CHN2: variants seen among roughly 807,000 people sequenced by gnomAD.
CHN2 encodes the protein beta-chimaerin.
Under a neutral mutation model 56.3 loss-of-function variants are expected in CHN2, and 35 were observed. The ratio of observed to expected loss-of-function variants is 0.62; its 90% CI spans 0.47 to 0.82. The LOEUF is 0.82. CHN2 is among the 40% of genes least tolerant of loss of function. CHN2 has a pLI of 0.00. For synonymous variants in CHN2, 210 were observed against 212.8 expected (o/e 0.99, Z 0.12); for missense variants, 491 against 580.5 (o/e 0.85, Z 1.58).
At chr7:29,294,101 C>T (rs894269225) in intron 1 of CHN2, among the ~76,000 whole-genome samples, 6 of 151,996 alleles carry the variant, frequency 3.9e-5, no homozygotes, top group African/African-American at 1.2e-4. Context: ...CTCCTGACCT[C>T]GTGATCTGCC....
intron 6 of CHN2, among the ~76,000 whole-genome samples, chr7:29,414,184 A>G (rs1803514806): frequency 6.6e-6 from 1 of 152,134 alleles, no homozygotes; most frequent in South Asian, 2.1e-4. Flanking sequence ...AGTTCAGATG[A>G]GAGGAAACTG....
chr7:29,408,359 G>C (rs1455279276), intron 6 of CHN2, among the ~76,000 whole-genome samples: 1 of 152,060 alleles, frequency 6.6e-6, no homozygotes, highest in African/African-American at 2.4e-5. Flanking sequence ...AGATGGAAGG[G>C]GAGACGAGAG....
At chr7:29,358,556 G>A (rs1798495149) in intron 2 of CHN2, among the ~76,000 whole-genome samples, 1 of 151,934 alleles carries the variant, frequency 6.6e-6, no homozygotes, top group South Asian at 2.1e-4. Context: ...CCCGCCTCCC[G>A]AGTTCACGCC....
chr7:29,268,354 A>T (rs1790327253), intron 1 of CHN2, among the ~76,000 whole-genome samples: 1 of 150,330 alleles, frequency 6.7e-6, no homozygotes, highest in Non-Finnish European at 1.5e-5. Context: ...TTTGAAAAAT[A>T]ATCTTGTTGA....
chr7:29,414,466 C>T (rs535089521), intron 6 of CHN2, among the ~76,000 whole-genome samples: 4 of 152,234 alleles, frequency 2.6e-5, no homozygotes, highest in South Asian at 2.1e-4. Context: ...GTCCTCACAA[C>T]GGCTCTGAGA....
intron 6 of CHN2, among the ~76,000 whole-genome samples, chr7:29,409,766 C>G (rs372909757): frequency 3.1e-4 from 47 of 152,340 alleles, no homozygotes; most frequent in African/African-American, 1.1e-3. Context: ...ATCATGGACT[C>G]TCTAAAGGGA....
Position 29,370,690 on chromosome 7 carries a change from C to G in CHN2, c.144+2703C>G, listed in dbSNP as rs546468503. Among the ~76,000 whole-genome samples, 33 of 152,234 alleles carry G rather than the reference C, an allele frequency of 2.2e-4. 1 individual carries two copies. Among genetic ancestry groups the G allele is most frequent in the Non-Finnish European group, 3.7e-4 (25 of 68,022 alleles). On this transcript the variant is annotated intron_variant, in intron 3 of 12. Transcript: ENST00000222792. The stretch of plus-strand genomic sequence containing the variant: ...CTGCCAGTTCAACGTGATAAATACC[C>G]ACATTAGAGCACCAAGCAAAGTGTG...
chr7:29,241,967 C>G (rs539228640), intron 1 of CHN2, among the ~76,000 whole-genome samples: 1 of 152,270 alleles, frequency 6.6e-6, no homozygotes, highest in South Asian at 2.1e-4. Flanking sequence ...AGATCTCATG[C>G]TATGCATATA....
At chr7:29,233,619 AG>A (rs1056631555) in intron 1 of CHN2, among the ~76,000 whole-genome samples, 2 of 152,062 alleles carry the variant, frequency 1.3e-5, no homozygotes, top group South Asian at 2.1e-4. Flanking sequence ...TGTATTCACA[AG>A]GGTCCTTTAA....
chr7:29,356,989 T>C (rs1052887367), intron 2 of CHN2, among the ~76,000 whole-genome samples: 1 of 152,194 alleles, frequency 6.6e-6, no homozygotes, highest in Admixed American at 6.5e-5. Context: ...ACCGAAAGCT[T>C]TGCTGAAGCG....
At chr7:29,457,659 C>G in intron 6 of CHN2, among the ~76,000 whole-genome samples, 1 of 152,172 alleles carries the variant, frequency 6.6e-6, no homozygotes, top group East Asian at 1.9e-4. Flanking sequence ...AACTCTCTCC[C>G]TTTATTTAGC....
At chr7:29,317,786 C>G (rs577828985) in intron 1 of CHN2, among the ~76,000 whole-genome samples, 1 of 152,030 alleles carries the variant, frequency 6.6e-6, no homozygotes, top group Non-Finnish European at 1.5e-5. Context: ...CTCAGGAATT[C>G]GAGGCCAGTC....
intron 6 of CHN2, among the ~76,000 whole-genome samples, chr7:29,447,319 A>C (rs545642692): frequency 1.3e-5 from 2 of 152,240 alleles, no homozygotes; most frequent in Non-Finnish European, 2.9e-5. Context: ...TAAGATGTAA[A>C]GTACACTGCA....
chr7:29,251,279 C>T (rs1377231839), intron 1 of CHN2, among the ~76,000 whole-genome samples: 2 of 151,810 alleles, frequency 1.3e-5, no homozygotes, highest in African/African-American at 4.8e-5. Flanking sequence ...ACTGCAAAAT[C>T]CTGTCTCTAC....
chr7:29,244,370 C>G (rs1188921885), intron 1 of CHN2, among the ~76,000 whole-genome samples: 1 of 152,184 alleles, frequency 6.6e-6, no homozygotes, highest in African/African-American at 2.4e-5. Flanking sequence ...CCAAGTTACT[C>G]TTGTAAGTGA....
intron 3 of CHN2, chr7:29,380,727 C>G (rs769082207): frequency 6.6e-6 from 1 of 152,130 alleles, no homozygotes; most frequent in East Asian, 1.9e-4. Flanking sequence ...CTTTTTTCCT[C>G]TAGAAATTTA....
intron 6 of CHN2, among the ~76,000 whole-genome samples, chr7:29,411,298 C>T (rs1803189958): frequency 6.6e-6 from 1 of 152,200 alleles, no homozygotes. Context: ...GGAGGAAACA[C>T]AATTTTAGCA....
Position 29,511,904 on chromosome 7 carries a change from G to T in CHN2, c.1236-660G>T, listed in dbSNP as rs1023744809. On this transcript the variant is annotated intron_variant, in intron 12 of 12. Transcript: ENST00000222792. Reference sequence around the variant, plus strand: ...TGCAGTTTGAATTTTATTCTTAAAGGCTCTGCAGTTCTTACCTGGATGTCG... The same window carrying T: ...TGCAGTTTGAATTTTATTCTTAAAGTCTCTGCAGTTCTTACCTGGATGTCG... Among the ~76,000 whole-genome samples, 3 of 152,052 alleles carry T rather than the reference G, an allele frequency of 2.0e-5. No individual in the cohort carries two copies. The South Asian group carries it at 6.2e-4, about 32-fold the overall frequency.
chr7:29,456,717 A>C (rs1784797527), intron 6 of CHN2, among the ~76,000 whole-genome samples: 1 of 151,296 alleles, frequency 6.6e-6, no homozygotes. Context: ...TCCAGGTGAT[A>C]TTCTGATTCA....
Sources: gnomAD v4.1 joint callset for allele counts (sites outside exome capture counted in the v4.1 genomes callset) on GRCh38, gnomAD v4.1.1 for gene constraint, MANE v1.5 for transcripts, NCBI Gene and HGNC (gene_info 2026-07-23, HGNC 2026-07-21) for gene names.